SLC4A10: variants seen among roughly 807,000 people sequenced by gnomAD.
The protein encoded by SLC4A10 is solute carrier family 4 member 10, also known as sodium-driven chloride bicarbonate exchanger.
Under a neutral mutation model 137.7 loss-of-function variants are expected in SLC4A10, and 42 were observed. The ratio of observed to expected loss-of-function variants is 0.30; its 90% CI spans 0.24 to 0.39. The LOEUF (loss-of-function observed/expected upper bound fraction) is 0.39. Ranked by LOEUF, SLC4A10 falls within the 10% of genes least tolerant of loss-of-function variation. The pLI is 1.00. For missense variants in SLC4A10, 925 were observed against 1,355.0 expected, an observed-to-expected ratio of 0.68 and a Z score of 4.98; for synonymous variants, 474 against 464.1, an observed-to-expected ratio of 1.02 and a Z score of -0.27.
At chr2:161,889,872 G>A (rs2062735120) in intron 10 of SLC4A10, among the ~76,000 whole-genome samples, 1 of 152,080 alleles carries the variant, frequency 6.6e-6, no homozygotes, top group Non-Finnish European at 1.5e-5. Context: ...TCTTTTAACT[G>A]TGATGTTAGG....
chr2:161,728,706 T>C (rs1437631945), intron 1 of SLC4A10, among the ~76,000 whole-genome samples: 1 of 152,182 alleles, frequency 6.6e-6, no homozygotes, highest in Non-Finnish European at 1.5e-5. Context: ...CAAATCATTT[T>C]ATGAAGCCAG....
chr2:161,910,910 C>A (rs1685682257), intron 15 of SLC4A10, among the ~76,000 whole-genome samples: 2 of 151,868 alleles, frequency 1.3e-5, no homozygotes, highest in South Asian at 4.1e-4. Context: ...GAATTTCATT[C>A]TCACGGTCCC....
intron 3 of SLC4A10, among the ~76,000 whole-genome samples, chr2:161,830,634 A>G (rs2058376062): frequency 6.6e-6 from 1 of 152,180 alleles, no homozygotes; most frequent in African/African-American, 2.4e-5. Flanking sequence ...CTATGCATAA[A>G]GTTCATACAA....
intron 1 of SLC4A10, among the ~76,000 whole-genome samples, chr2:161,716,620 G>A (rs963756528): frequency 6.6e-6 from 1 of 152,086 alleles, no homozygotes; most frequent in Admixed American, 6.6e-5. Context: ...AATTGTAAAT[G>A]TATGGTCTTA....
At chr2:161,690,359 GT>G (rs1157026848) in intron 1 of SLC4A10, among the ~76,000 whole-genome samples, 2 of 152,158 alleles carry the variant, frequency 1.3e-5, no homozygotes, top group African/African-American at 4.8e-5. Flanking sequence ...ATGTAAATTA[GT>G]TTAACCATTG....
chr2:161,913,436 A>G (rs1275636451), intron 15 of SLC4A10, among the ~76,000 whole-genome samples: 1 of 152,214 alleles, frequency 6.6e-6, no homozygotes, highest in African/African-American at 2.4e-5. Context: ...CACTTGACAG[A>G]ATAGACAGAA....
intron 1 of SLC4A10, among the ~76,000 whole-genome samples, chr2:161,739,215 C>T (rs891984341): frequency 1.3e-5 from 2 of 152,174 alleles, no homozygotes; most frequent in African/African-American, 2.4e-5. Flanking sequence ...TTGCATCCTT[C>T]GCTACCCTCT....
chr2:161,721,528 C>T (rs1223473883), intron 1 of SLC4A10, among the ~76,000 whole-genome samples: 2 of 152,204 alleles, frequency 1.3e-5, no homozygotes, highest in East Asian at 3.8e-4. Flanking sequence ...TCTCTGCTGG[C>T]TTATAGGGTT....
chr2:161,825,771 C>A (rs1042585539), intron 3 of SLC4A10, among the ~76,000 whole-genome samples: 1 of 152,150 alleles, frequency 6.6e-6, no homozygotes, highest in Non-Finnish European at 1.5e-5. Context: ...CTACTGCCAT[C>A]CCTTTTAAGG....
chr2:161,705,402 G>A (rs1395842804), intron 1 of SLC4A10, among the ~76,000 whole-genome samples: 1 of 151,502 alleles, frequency 6.6e-6, no homozygotes, highest in Admixed American at 6.6e-5. Flanking sequence ...AGAGCTAAAT[G>A]AGTAGTAATT....
intron 3 of SLC4A10, among the ~76,000 whole-genome samples, chr2:161,807,704 C>T (rs200846524): frequency 6.6e-6 from 1 of 152,122 alleles, no homozygotes; most frequent in East Asian, 1.9e-4. Flanking sequence ...ATCTTAGGTT[C>T]TAAGTTTTAG....
At chr2:161,707,964 TAGTTTGGAAGGAAG>T (rs908842885) in intron 1 of SLC4A10, among the ~76,000 whole-genome samples, 1 of 149,908 alleles carries the variant, frequency 6.7e-6, no homozygotes, top group Non-Finnish European at 1.5e-5. Context: ...GTGATACCCA[TAGTTTGGAAGGAAG>T]ATTCCTTCAA....
chr2:161,795,534 T>A (rs2054671529), intron 2 of SLC4A10, among the ~76,000 whole-genome samples: 1 of 152,050 alleles, frequency 6.6e-6, no homozygotes, highest in Non-Finnish European at 1.5e-5. Flanking sequence ...ATGCCTTTAT[T>A]ATTATTACTA....
chr2:161,822,821 A>G (rs1025498787), intron 3 of SLC4A10, among the ~76,000 whole-genome samples: 3 of 152,102 alleles, frequency 2.0e-5, no homozygotes, highest in African/African-American at 7.2e-5. Context: ...CTAAAAATAC[A>G]AAAATTAGCT....
intron 13 of SLC4A10, 142 bp from the exon 14 acceptor site, chr2:161,904,634 C>T (rs1442049884): frequency 3.3e-6 from 3 of 917,568 alleles, no homozygotes; most frequent in East Asian, 4.9e-5. Context: ...AGTCATCCTT[C>T]TACCCCACGT....
chr2:161,744,021 A>T (rs1035247235), intron 1 of SLC4A10, among the ~76,000 whole-genome samples: 8 of 152,242 alleles, frequency 5.3e-5, no homozygotes, highest in African/African-American at 1.7e-4. Context: ...CAGCTCTAGT[A>T]GGCTTTTTTT....
At chr2:161,635,444 T>C (rs1480338978) in intron 1 of SLC4A10, among the ~76,000 whole-genome samples, 1 of 152,138 alleles carries the variant, frequency 6.6e-6, no homozygotes, top group Admixed American at 6.6e-5. Flanking sequence ...AAAATGACTT[T>C]AGCATCTCAA....
intron 1 of SLC4A10, among the ~76,000 whole-genome samples, chr2:161,629,036 C>T (rs2033020070): frequency 6.6e-6 from 1 of 151,856 alleles, no homozygotes; most frequent in Non-Finnish European, 1.5e-5. Context: ...GAAGTCTAAA[C>T]TGGGCATGAA....
chr2:161,706,219 G>A (rs181935741), intron 1 of SLC4A10, among the ~76,000 whole-genome samples: 1 of 151,328 alleles, frequency 6.6e-6, no homozygotes, highest in Non-Finnish European at 1.5e-5. Context: ...AAGGAAATTG[G>A]GGATTATATA....
Sources: allele counts gnomAD v4.1 joint callset (sites outside exome capture counted in the v4.1 genomes callset), GRCh38; gene constraint gnomAD v4.1.1; transcripts MANE v1.5; gene names NCBI Gene and HGNC (gene_info 2026-07-23, HGNC 2026-07-21).